The following NAA16 variants were observed in gnomAD, a reference collection of about 807,000 sequenced individuals.
NAA16 encodes NARG1-like protein.
Under a neutral mutation model 110.3 loss-of-function variants are expected in NAA16, and 97 were observed. The ratio of observed to expected loss-of-function variants is 0.88; its 90% confidence interval spans 0.75 to 1.04. The LOEUF is 1.04. Ranked by LOEUF, NAA16 falls within the 50% of genes least tolerant of loss-of-function variation. The pLI, the probability that NAA16 is intolerant of heterozygous loss-of-function variation, is 0.00. For synonymous variants in NAA16, 372 were observed against 330.6 expected, an observed-to-expected ratio of 1.13 and a Z score of -1.36; for missense variants, 1,017 against 1,005.1, an observed-to-expected ratio of 1.01 and a Z score of -0.16.
At chr13:41,325,494 G>A (rs1593427327) in intron 5 of NAA16, among the ~76,000 whole-genome samples, 1 of 151,662 alleles carries the variant, frequency 6.6e-6, no homozygotes, top group East Asian at 1.9e-4. Flanking sequence ...TGTGTCACTT[G>A]GGAATAGACA....
At chr13:41,312,912 T>A (rs1361848614) in intron 1 of NAA16, among the ~76,000 whole-genome samples, 2 of 152,250 alleles carry the variant, frequency 1.3e-5, no homozygotes, top group African/African-American at 2.4e-5. Context: ...TGTATTTTTT[T>A]ATTTTACTTC....
At chr13:41,316,198 C>T (rs901284784) in intron 1 of NAA16, among the ~76,000 whole-genome samples, 4 of 152,196 alleles carry the variant, frequency 2.6e-5, no homozygotes, top group African/African-American at 7.2e-5. Context: ...GGCATGATCT[C>T]GGCTCACTGC....
At position 41,357,760 on chromosome 13, in the gene NAA16, C is replaced by T. The variant is rs1304438781; in HGVS notation, c.1088-544C>T. Among the ~76,000 whole-genome samples the T allele has an allele frequency of 2.0e-5, 3 of 152,262 alleles. No individual in the cohort carries two copies. In the East Asian group the frequency reaches 5.8e-4, roughly 29 times the overall value. ...ATATGTGACTGCTTTTTTAAGAGGA[C>T]TGGGCTGTGTTTTTTCTACTTAGGT... On this transcript the variant is annotated intron_variant, in intron 10 of 19. Transcript: ENST00000379406.
At chr13:41,319,167 A>G (rs527657240) in intron 3 of NAA16, among the ~76,000 whole-genome samples, 3 of 152,324 alleles carry the variant, frequency 2.0e-5, no homozygotes, top group South Asian at 4.1e-4. Flanking sequence ...GGAAATCTCT[A>G]TAAAATGTGC....
intron 1 of NAA16, among the ~76,000 whole-genome samples, chr13:41,314,238 G>A (rs947804605): frequency 2.0e-5 from 3 of 152,058 alleles, no homozygotes; most frequent in East Asian, 1.9e-4. Context: ...CTTCCAATAG[G>A]TGTTAACTAT....
At position 41,372,310 on chromosome 13, in the gene NAA16, A is replaced by G; in HGVS notation, c.2055A>G (p.Lys685=). The G allele has an allele frequency of 6.3e-7, 1 of 1,583,182 alleles. No homozygotes were observed. The change falls in exon 16 of 20, where the codon AAA becomes AAG. Residue 685 remains lysine, a splice_region_variant and synonymous_variant. Coordinates refer to ENST00000379406, the MANE Select transcript of NAA16 (RefSeq NM_024561.5). ...HLLAFEIYFR[K]GKFLLMLQSV... ...TAGCATTTGAAATATATTTTAGAAA[A>G]GGTAATAAATAGTTTGAGTTCAGTT...
intron 10 of NAA16, among the ~76,000 whole-genome samples, chr13:41,357,494 CTTTAT>C (rs2043016612): frequency 6.6e-6 from 1 of 152,106 alleles, no homozygotes; most frequent in African/African-American, 2.4e-5. Context: ...AACTCATTGC[CTTTAT>C]TTTATTATTT....
rs199885826 is a variant in NAA16 at position 41,362,046 on chromosome 13, A to G, written c.1426A>G (p.Met476Val). The G allele has an allele frequency of 7.4e-6, 12 of 1,611,140 alleles. No individual in the cohort carries two copies. The highest frequency in any genetic ancestry group is 1.3e-5 in the African/African-American group (1 of 74,702). ...SKFTREGTSA[M>V]ENLNEMQCMW... Reference sequence around the variant, plus strand: ...TCCATTTCAGGAAGGAACATCTGCCATGGAAAATCTAAATGAAATGCAGTG... The same window carrying G: ...TCCATTTCAGGAAGGAACATCTGCCGTGGAAAATCTAAATGAAATGCAGTG... The change falls in exon 13 of 20, where the codon ATG (methionine) becomes GTG (valine). Residue 476 changes from methionine to valine, a missense_variant. Met to Val is a conservative substitution (Grantham distance 21, BLOSUM62 1). Transcript: ENST00000379406.
intron 1 of NAA16, among the ~76,000 whole-genome samples, chr13:41,316,098 T>C (rs2041802540): frequency 6.6e-6 from 1 of 152,134 alleles, no homozygotes; most frequent in Non-Finnish European, 1.5e-5. Context: ...TAAAAAATTC[T>C]GTGGCAGTAT....
intron 1 of NAA16, among the ~76,000 whole-genome samples, chr13:41,312,016 G>C (rs2501947): frequency 0.053 from 8,031 of 152,290 alleles, 283 homozygotes; most frequent in Non-Finnish European, 0.074. Context: ...CGTTTAGTTA[G>C]ATTGCACAGC....
intron 9 of NAA16, among the ~76,000 whole-genome samples, chr13:41,338,338 C>T (rs1285577797): frequency 6.6e-6 from 1 of 152,094 alleles, no homozygotes; most frequent in African/African-American, 2.4e-5. Context: ...AGGCTTTTTA[C>T]TTTTTAAAAA....
rs895687579 is a variant in NAA16, at chr13:41,376,786, T to C, written c.*1184T>C. On this transcript the variant is annotated 3_prime_UTR_variant, in exon 20 of 20. Transcript: ENST00000379406. ...TTTTTGGGGGCGGGTGGATAGCTTT[T>C]TGTTCTATCTTGTACAGAAAACAGT... is the stretch of plus-strand genomic sequence containing the variant. 9 of 152,352 alleles carry C rather than the reference T, an allele frequency of 5.9e-5. No homozygotes were observed. In the East Asian group the frequency reaches 1.7e-3, roughly 29 times the overall value. 9.4% of individuals were successfully genotyped at this position (152,352 alleles called of 1,614,324 possible). A position where few individuals can be genotyped will look rare whatever the true frequency, so the allele number is the denominator to read the frequency against.
chr13:41,360,579 T>A (rs2043092240), intron 12 of NAA16, among the ~76,000 whole-genome samples: 1 of 152,180 alleles, frequency 6.6e-6, no homozygotes, highest in Non-Finnish European at 1.5e-5. Context: ...CATAACTGCC[T>A]CTGATCATCC....
chr13:41,355,792 GT>G (rs1254826673), intron 10 of NAA16, among the ~76,000 whole-genome samples: 1 of 152,174 alleles, frequency 6.6e-6, no homozygotes, highest in Non-Finnish European at 1.5e-5. Flanking sequence ...AGACCATGTA[GT>G]TAGTTTATAT....
chr13:41,344,172 A>G lies in NAA16; in HGVS notation c.1014+7416A>G, dbSNP rs112141995. ...CAGAGTCATTCAGTGGGTAAAGGAT[A>G]TGAACATTTTTGTGGTTCTTGATAA... On this transcript the variant is annotated intron_variant, in intron 9 of 19. Coordinates refer to ENST00000379406, the MANE Select transcript of NAA16 (RefSeq NM_024561.5). Among the ~76,000 whole-genome samples the G allele has an allele frequency of 1.1e-3, 162 of 152,348 alleles. 1 individual carries two copies. Among genetic ancestry groups the G allele is most frequent in the African/African-American group, 3.7e-3 (154 of 41,580 alleles).
intron 9 of NAA16, among the ~76,000 whole-genome samples, chr13:41,351,680 A>G (rs2139472731): frequency 6.6e-6 from 1 of 152,376 alleles, no homozygotes; most frequent in Middle Eastern, 3.4e-3. Flanking sequence ...CAAAGATAAA[A>G]AGCTTCTTCC....
intron 15 of NAA16, among the ~76,000 whole-genome samples, 191 bp downstream of exon 15, chr13:41,369,474 C>G (rs1013006870): frequency 4.6e-5 from 7 of 152,096 alleles, no homozygotes; most frequent in South Asian, 2.1e-4. Context: ...CATAGAATTG[C>G]AATTGTGGTA....
chr13:41,347,680 T>C (rs2042722363), intron 9 of NAA16, among the ~76,000 whole-genome samples: 1 of 152,220 alleles, frequency 6.6e-6, no homozygotes, highest in African/African-American at 2.4e-5. Context: ...AGTTGATTTT[T>C]GTATGTTGAT....
intron 7 of NAA16, among the ~76,000 whole-genome samples, chr13:41,330,201 T>G (rs1006812608): frequency 1.4e-4 from 21 of 151,934 alleles, no homozygotes; most frequent in African/African-American, 4.8e-4. Flanking sequence ...TTTTTGTTTT[T>G]GTTTTTTTAC....
Sources: allele counts gnomAD v4.1 joint callset (sites outside exome capture counted in the v4.1 genomes callset), GRCh38; gene constraint gnomAD v4.1.1; transcripts MANE v1.5; gene names NCBI Gene and HGNC (gene_info 2026-07-23, HGNC 2026-07-21).